Variants in GPM6A observed in about 807,000 individuals in gnomAD.
The protein encoded by GPM6A is glycoprotein M6A.
A neutral mutation model predicts 32.1 loss-of-function variants in GPM6A; 7 were observed. That is an observed-to-expected ratio of 0.22 (90% CI 0.12 to 0.41). GPM6A has a LOEUF of 0.41. GPM6A is among the 10% of genes least tolerant of loss of function. The pLI is 1.00. For synonymous variants in GPM6A, 130 were observed against 123.4 expected (o/e 1.05, Z -0.35); for missense variants, 235 against 347.2 (o/e 0.68, Z 2.57).
At chr4:175,944,281 A>T (rs749450436) in intron 1 of GPM6A, among the ~76,000 whole-genome samples, 8 of 152,172 alleles carry the variant, frequency 5.3e-5, no homozygotes, top group Non-Finnish European at 8.8e-5. Context: ...GCAAAGAATT[A>T]ATTTTTGTGC....
chr4:175,833,997 C>T (rs568015951), intron 1 of GPM6A, among the ~76,000 whole-genome samples: 1 of 152,174 alleles, frequency 6.6e-6, no homozygotes, highest in South Asian at 2.1e-4. Flanking sequence ...TAGTGCGTTT[C>T]AGAAAAAGTT....
chr4:175,717,787 A>G (rs1745915264), intron 1 of GPM6A, among the ~76,000 whole-genome samples: 1 of 152,222 alleles, frequency 6.6e-6, no homozygotes, highest in African/African-American at 2.4e-5. Context: ...TTAATATGAT[A>G]AAGAATGTAT....
At chr4:175,816,829 C>T (rs1735114365), upstream of GPM6A, among the ~76,000 whole-genome samples, 1 of 151,978 alleles carries the variant, frequency 6.6e-6, no homozygotes. Context: ...AAGTCAGAAA[C>T]TGACTTTCAT....
chr4:175,813,097 G>C (rs1734992031), upstream of GPM6A: 2 of 981,350 alleles, frequency 2.0e-6, no homozygotes, highest in African/African-American at 3.5e-5. Flanking sequence ...GAAAACCACT[G>C]GAAGGAAAAA....
At chr4:175,962,253 A>T in intron 1 of GPM6A, 1 of 1,356,130 alleles carries the variant, frequency 7.4e-7, no homozygotes, top group Non-Finnish European at 1.1e-6. Context: ...CCTATATGTC[A>T]TTGAAAACTC....
intron 1 of GPM6A, among the ~76,000 whole-genome samples, chr4:175,761,288 T>G (rs1403753251): frequency 6.6e-6 from 1 of 152,144 alleles, no homozygotes; most frequent in Non-Finnish European, 1.5e-5. Context: ...GAGACAGGGT[T>G]TCACCATGTT....
chr4:175,791,830 G>A (rs183374760), intron 1 of GPM6A, among the ~76,000 whole-genome samples: 29 of 152,070 alleles, frequency 1.9e-4, no homozygotes, highest in Middle Eastern at 3.4e-3. Flanking sequence ...ATATTTTGTG[G>A]CTTTTATGCC....
At chr4:175,963,827 T>A (rs1740244380) in intron 1 of GPM6A, among the ~76,000 whole-genome samples, 1 of 152,074 alleles carries the variant, frequency 6.6e-6, no homozygotes, top group African/African-American at 2.4e-5. Context: ...ATGAATGAAA[T>A]GACTGACACC....
At chr4:175,785,443 G>A (rs1018128862) in intron 1 of GPM6A, among the ~76,000 whole-genome samples, 1 of 152,072 alleles carries the variant, frequency 6.6e-6, no homozygotes, top group African/African-American at 2.4e-5. Flanking sequence ...CTAACTTTGT[G>A]GTATTTTGTT....
intron 1 of GPM6A, among the ~76,000 whole-genome samples, chr4:175,909,729 C>G (rs185978775): frequency 2.8e-4 from 42 of 152,172 alleles, no homozygotes; most frequent in African/African-American, 1.0e-3. Context: ...AAGGTACAGT[C>G]CATTGTGAAT....
At chr4:175,990,341 G>A (rs573659530) in intron 1 of GPM6A, among the ~76,000 whole-genome samples, 11 of 152,216 alleles carry the variant, frequency 7.2e-5, no homozygotes, top group South Asian at 2.1e-4. Flanking sequence ...TTCTCTTGAT[G>A]ACTGCAGCCT....
chr4:175,646,542 T>C (rs1202173015), intron 4 of GPM6A, among the ~76,000 whole-genome samples: 4 of 152,356 alleles, frequency 2.6e-5, no homozygotes, highest in Non-Finnish European at 5.9e-5. Flanking sequence ...AACTTCATTT[T>C]ATATTTTTGT....
intron 1 of GPM6A, among the ~76,000 whole-genome samples, chr4:175,860,415 A>G (rs1231713368): frequency 1.3e-5 from 2 of 152,192 alleles, no homozygotes; most frequent in Admixed American, 1.3e-4. Flanking sequence ...GATTCTATGA[A>G]CAATTCTATG....
intron 3 of GPM6A, among the ~76,000 whole-genome samples, chr4:175,668,817 A>G (rs2110969400): frequency 6.6e-6 from 1 of 152,308 alleles, no homozygotes; most frequent in South Asian, 2.1e-4. Flanking sequence ...GATCTTACTA[A>G]GATGCAAAAC....
intron 1 of GPM6A, among the ~76,000 whole-genome samples, chr4:175,886,554 G>A (rs1737463556): frequency 6.6e-6 from 1 of 152,016 alleles, no homozygotes; most frequent in Admixed American, 6.6e-5. Context: ...AGAATCAAAT[G>A]GAGATATTGA....
chr4:175,956,079 C>T (rs1040548188), intron 1 of GPM6A, among the ~76,000 whole-genome samples: 5 of 152,126 alleles, frequency 3.3e-5, no homozygotes, highest in Admixed American at 2.0e-4. Context: ...CATGGATGGG[C>T]GCCATAGTGC....
intron 2 of GPM6A, among the ~76,000 whole-genome samples, chr4:175,679,464 A>G (rs575195220): frequency 2.5e-4 from 38 of 152,152 alleles, no homozygotes; most frequent in African/African-American, 8.9e-4. Flanking sequence ...TTCTCTTCCA[A>G]CTAACAAGCG....
intron 6 of GPM6A, among the ~76,000 whole-genome samples, chr4:175,637,643 T>A (rs1740823500): frequency 3.2e-3 from 2 of 632 alleles, no homozygotes; most frequent in Non-Finnish European, 0.011. Flanking sequence ...ATATTATATA[T>A]TATATAAAAT....
chr4:175,987,524 T>TTGTGTGTGTGTGTGTGTGTG (rs141045074), intron 1 of GPM6A, among the ~76,000 whole-genome samples: 1 of 148,602 alleles, frequency 6.7e-6, no homozygotes, highest in African/African-American at 2.5e-5. Flanking sequence ...TAAAGTGTGT[T>TTGTGTGTGTGTGTGTGTGTG]TGTGTGTGTG....
Sources: gnomAD v4.1 joint callset for allele counts (sites outside exome capture counted in the v4.1 genomes callset) on GRCh38, gnomAD v4.1.1 for gene constraint, MANE v1.5 for transcripts, NCBI Gene and HGNC (gene_info 2026-07-23, HGNC 2026-07-21) for gene names.